ATG4C: variants seen among roughly 807,000 people sequenced by gnomAD.
ATG4C encodes the protein cysteine protease ATG4C.
ATG4C carries 56 observed loss-of-function variants against 57.6 expected under a neutral mutation model. That is an observed-to-expected ratio of 0.97 (90% CI 0.78 to 1.21). The LOEUF is 1.21. ATG4C is among the 50% of genes most tolerant of loss of function. The pLI is 0.00. For synonymous variants in ATG4C, 157 were observed against 174.1 expected (o/e 0.90, Z 0.78); for missense variants, 595 against 529.8 (o/e 1.12, Z -1.21).
chr1:62,794,322 T>C (rs1473873496), intron 1 of ATG4C, among the ~76,000 whole-genome samples: 1 of 152,132 alleles, frequency 6.6e-6, no homozygotes, highest in Non-Finnish European at 1.5e-5. Context: ...TAATACTTAG[T>C]TTCTTTCATG....
At chr1:62,837,400 C>G (rs1323346098) in intron 9 of ATG4C, among the ~76,000 whole-genome samples, 1 of 152,120 alleles carries the variant, frequency 6.6e-6, no homozygotes, top group Non-Finnish European at 1.5e-5. Flanking sequence ...TGTAGAAACT[C>G]ACACTGTAAT....
At chr1:62,832,506 A>G (rs944236106) in intron 7 of ATG4C, among the ~76,000 whole-genome samples, 1 of 152,194 alleles carries the variant, frequency 6.6e-6, no homozygotes, top group Non-Finnish European at 1.5e-5. Context: ...GCAGAGGAGC[A>G]GGAGAGAGAA....
At chr1:62,802,775 CTT>C (rs1265984430) in intron 1 of ATG4C, among the ~76,000 whole-genome samples, 1 of 152,144 alleles carries the variant, frequency 6.6e-6, no homozygotes, top group Non-Finnish European at 1.5e-5. Flanking sequence ...CTTTTTTAGA[CTT>C]TTCTGTTTTC....
intron 1 of ATG4C, among the ~76,000 whole-genome samples, chr1:62,793,138 G>A (rs1205783020): frequency 6.7e-6 from 1 of 149,708 alleles, no homozygotes; most frequent in Non-Finnish European, 1.5e-5. Context: ...CGCCCGCCTC[G>A]GCCTCCCAAA....
intron 3 of ATG4C, among the ~76,000 whole-genome samples, chr1:62,808,756 A>G (rs1664964240): frequency 6.6e-6 from 1 of 152,140 alleles, no homozygotes; most frequent in South Asian, 2.1e-4. Flanking sequence ...CTTTTGAGAG[A>G]GCATTTTTAC....
At chr1:62,785,472 T>C (rs1003396706) in intron 1 of ATG4C, among the ~76,000 whole-genome samples, 1 of 152,226 alleles carries the variant, frequency 6.6e-6, no homozygotes, top group African/African-American at 2.4e-5. Context: ...ATGCTCTTTT[T>C]CTTTAAAATA....
intron 10 of ATG4C, among the ~76,000 whole-genome samples, chr1:62,851,590 G>A (rs578032164): frequency 6.1e-4 from 93 of 152,256 alleles, no homozygotes; most frequent in African/African-American, 2.1e-3. Flanking sequence ...CATAGTTCTT[G>A]TCACAGAAGC....
At chr1:62,816,861 T>C in intron 4 of ATG4C, 53 bp downstream of exon 4, 1 of 1,343,562 alleles carries the variant, frequency 7.4e-7, no homozygotes, top group Middle Eastern at 1.9e-4. Flanking sequence ...TTGTCGTCGA[T>C]ATTTTTCCAT....
chr1:62,837,834 C>T (rs529087623), intron 9 of ATG4C, among the ~76,000 whole-genome samples: 2 of 152,154 alleles, frequency 1.3e-5, no homozygotes, highest in East Asian at 3.9e-4. Context: ...TGTTACCACT[C>T]CAGTTGGAGC....
chr1:62,815,048 GA>G (rs1442560998), intron 3 of ATG4C, among the ~76,000 whole-genome samples: 2 of 152,090 alleles, frequency 1.3e-5, no homozygotes, highest in African/African-American at 4.8e-5. Flanking sequence ...CTGGGTGACA[GA>G]ACGAGACTCT....
At chr1:62,834,176 T>C in intron 8 of ATG4C, 60 bp downstream of exon 8, 3 of 1,486,508 alleles carry the variant, frequency 2.0e-6, no homozygotes, top group Non-Finnish European at 2.8e-6. Flanking sequence ...AGAAAGTTAA[T>C]ATGAGATCAT....
chr1:62,831,417 C>T (rs917594826), intron 7 of ATG4C, among the ~76,000 whole-genome samples: 3 of 152,054 alleles, frequency 2.0e-5, no homozygotes, highest in Non-Finnish European at 4.4e-5. Flanking sequence ...ATGTACTGTT[C>T]AGTTCTATTT....
At chr1:62,839,373 C>A (rs1170488001) in intron 9 of ATG4C, among the ~76,000 whole-genome samples, 1 of 152,170 alleles carries the variant, frequency 6.6e-6, no homozygotes, top group Non-Finnish European at 1.5e-5. Flanking sequence ...AAACTTTTAC[C>A]AGTGCTTTAG....
intron 10 of ATG4C, among the ~76,000 whole-genome samples, chr1:62,861,867 A>G (rs978139184): frequency 3.9e-5 from 6 of 151,986 alleles, no homozygotes; most frequent in East Asian, 1.9e-4. Flanking sequence ...CCTAAATTGT[A>G]TTTTTTCATT....
In ATG4C at chr1:62,816,560, A is replaced by G. The variant is rs1370947915; in HGVS notation, c.161-15A>G. On this transcript the variant is annotated splice_polypyrimidine_tract_variant and intron_variant, in intron 3 of 10. Transcript: ENST00000317868. ...ATTTCTCTGGTTATCTTTAGACCGTATGTTTATTTTTTAGATGAAGATAAA... is the reference window on the plus strand; with the variant it reads ...ATTTCTCTGGTTATCTTTAGACCGTGTGTTTATTTTTTAGATGAAGATAAA... 4 of 1,573,506 alleles carry G rather than the reference A, an allele frequency of 2.5e-6. No individual in the cohort carries two copies. The East Asian group carries it at 9.0e-5, about 35-fold the overall frequency.
At chr1:62,800,713 A>G (rs1390986879) in intron 1 of ATG4C, among the ~76,000 whole-genome samples, 2 of 152,192 alleles carry the variant, frequency 1.3e-5, no homozygotes, top group African/African-American at 2.4e-5. Context: ...GCTGCTAGTG[A>G]TATACCTATA....
intron 9 of ATG4C, among the ~76,000 whole-genome samples, chr1:62,838,557 C>T (rs1309757726): frequency 1.3e-5 from 2 of 152,108 alleles, no homozygotes; most frequent in Non-Finnish European, 2.9e-5. Context: ...GCAGGTGGAT[C>T]ACCTGAGGTC....
At chr1:62,809,525 A>C (rs890597089) in intron 3 of ATG4C, among the ~76,000 whole-genome samples, 15 of 147,168 alleles carry the variant, frequency 1.0e-4, no homozygotes, top group Non-Finnish European at 1.8e-4. Context: ...TAATTATATA[A>C]TTATAATGTA....
chr1:62,789,153 A>G (rs1040001797), intron 1 of ATG4C, among the ~76,000 whole-genome samples: 4 of 152,080 alleles, frequency 2.6e-5, no homozygotes, highest in Admixed American at 2.6e-4. Context: ...CCAAATAGTG[A>G]TTTCCCACTT....
Sources: gnomAD v4.1 joint callset for allele counts (sites outside exome capture counted in the v4.1 genomes callset) on GRCh38, gnomAD v4.1.1 for gene constraint, MANE v1.5 for transcripts, NCBI Gene and HGNC (gene_info 2026-07-23, HGNC 2026-07-21) for gene names.